Variants in BRD9 observed in about 807,000 individuals in gnomAD.
The protein encoded by BRD9 is bromodomain-containing protein 9.
Under a neutral mutation model 68.7 loss-of-function variants are expected in BRD9, and 47 were observed. The observed-to-expected ratio is 0.68, with a 90% confidence interval of 0.54 to 0.87. BRD9 has a LOEUF of 0.87. BRD9 is among the 40% of genes least tolerant of loss of function. The probability of loss-of-function intolerance (pLI) is 0.00; values close to 1 mark genes in which losing one functional copy is unlikely to be tolerated. For missense variants in BRD9, 670 were observed against 748.4 expected (o/e 0.90, Z 1.22); for synonymous variants, 313 against 293.9 (o/e 1.06, Z -0.67).
chr5:890,053 C>A, intron 3 of BRD9: 1 of 341,960 alleles, frequency 2.9e-6, no homozygotes, highest in Non-Finnish European at 5.8e-6. Flanking sequence ...AATAAATGGC[C>A]GGCGTGGTGG....
rs1753058282 is a variant in BRD9, at chr5:889,648, C to T, written c.401-1G>A. On this transcript the variant is annotated splice_acceptor_variant, in intron 3 of 15. Coordinates refer to ENST00000467963, the MANE Select transcript of BRD9 (RefSeq NM_023924.5). LOFTEE classifies it high-confidence loss of function. ...TGAATAGGTGTGCTCTCATTTTCGG[C>T]TGACAATTTAAGGAAAAAAAAATTG... is the stretch of plus-strand genomic sequence containing the variant. 2.5e-6 allele frequency: 4 copies of T among 1,612,974 alleles called. No individual in the cohort carries two copies.
Position 886,634 on chromosome 5 carries a change from T to G in BRD9, c.791A>C (p.Glu264Ala). Reference sequence around the variant, plus strand: ...CGGCTTTTTGGATTTCTTGGCAGTTTCTACTTGTACTGGTACAACTTCAGG... The same window carrying G: ...CGGCTTTTTGGATTTCTTGGCAGTTGCTACTTGTACTGGTACAACTTCAGG... Reference protein sequence around the residue: ...PVPEVVPVQVETAKKSKKPSR... With the variant: ...PVPEVVPVQVATAKKSKKPSR... The change falls in exon 7 of 16, where the codon GAA (glutamate) becomes GCA (alanine). Residue 264 changes from glutamate (E) to alanine (A), a missense_variant. Transcript: ENST00000467963. 2 of 1,614,168 alleles carry G rather than the reference T, an allele frequency of 1.2e-6. No individual in the cohort carries two copies. The highest frequency in any genetic ancestry group is 1.7e-6 in the Non-Finnish European group (2 of 1,180,014).
At chr5:885,648 G>C (rs968243543) in intron 7 of BRD9, among the ~76,000 whole-genome samples, 1 of 152,208 alleles carries the variant, frequency 6.6e-6, no homozygotes, top group Admixed American at 6.5e-5. Flanking sequence ...CAGGATACTG[G>C]GAAGACCGCG....
At chr5:880,510 CGAGGGAAGCA>C in intron 9 of BRD9, among the ~76,000 whole-genome samples, 1 of 152,052 alleles carries the variant, frequency 6.6e-6, no homozygotes, top group South Asian at 2.1e-4. Flanking sequence ...AGGGTGAGAG[CGAGGGAAGCA>C]GGAATCTAGA....
Position 891,779 on chromosome 5 carries a change from G to A in BRD9, c.128C>T (p.Ser43Leu). Reference sequence around the variant, plus strand: ...GTAACTGGAGTCGTGGCCGGATCCTGAGAGTTCAGTCACTTCACTTCCTCC... The same window carrying A: ...GTAACTGGAGTCGTGGCCGGATCCTAAGAGTTCAGTCACTTCACTTCCTCC... The part of the protein sequence containing the change: ...KVGGSEVTEL[S>L]GSGHDSSYYD... Residue 43 changes from serine (S) to leucine (L), a missense_variant, in exon 2 of 16, where the codon TCA (serine) becomes TTA (leucine). Coordinates refer to ENST00000467963, the MANE Select transcript of BRD9 (RefSeq NM_023924.5). The A allele has an allele frequency of 1.3e-6, 2 of 1,551,648 alleles. No homozygotes were observed. The highest frequency in any genetic ancestry group is 1.7e-6 in the Non-Finnish European group (2 of 1,146,994).
chr5:884,890 TGAA>T (rs1752318959), intron 7 of BRD9, among the ~76,000 whole-genome samples: 2 of 152,186 alleles, frequency 1.3e-5, no homozygotes, highest in Admixed American at 1.3e-4. Context: ...TGACACTAGG[TGAA>T]GGTGACTGCC....
At chr5:876,493 A>G (rs1192627734) in intron 11 of BRD9, among the ~76,000 whole-genome samples, 6 of 152,172 alleles carry the variant, frequency 3.9e-5, no homozygotes. Context: ...ATCATCTGTA[A>G]AAGAATACTC....
chr5:873,897 G>A (rs1454449672), intron 12 of BRD9, among the ~76,000 whole-genome samples: 1 of 152,148 alleles, frequency 6.6e-6, no homozygotes, highest in Non-Finnish European at 1.5e-5. Context: ...AAAAGACAGG[G>A]CTCCCCGAAG....
At chr5:870,451 G>T (rs779241053) in intron 14 of BRD9, 22 bp downstream of exon 14, 2 of 1,579,276 alleles carry the variant, frequency 1.3e-6, no homozygotes, top group Non-Finnish European at 8.7e-7. Context: ...GGTGCTGTGG[G>T]AAAGTGCCTG....
At position 871,508 on chromosome 5, in the gene BRD9, C is replaced by T. The variant is rs1216096093; in HGVS notation, c.1422+18G>A. The stretch of plus-strand genomic sequence containing the variant: ...TGAGAATAATATTTGGCTTGCCCTT[C>T]CATGTTCAAAAACTTACCTTGGCTT... On this transcript the variant is annotated intron_variant, in intron 13 of 15. Transcript: ENST00000467963. The T allele has an allele frequency of 1.2e-5, 20 of 1,613,014 alleles. No homozygotes were observed. Among genetic ancestry groups the T allele is most frequent in the Admixed American group, 1.0e-4 (6 of 60,030 alleles).
At chr5:886,018 G>C (rs1380682752) in intron 7 of BRD9, among the ~76,000 whole-genome samples, 1 of 152,186 alleles carries the variant, frequency 6.6e-6, no homozygotes, top group Non-Finnish European at 1.5e-5. Context: ...AGCCAAGTCG[G>C]CTGCTCCCTG....
In BRD9 at chr5:870,962, G is replaced by A. The variant is rs575458772; in HGVS notation, c.1423-387C>T. The stretch of plus-strand genomic sequence containing the variant: ...GTTCCCTTTCCTTTCCCAGCAAGGC[G>A]TGTCCTCAGGGCTAGACTACAGCCA... On this transcript the variant is annotated intron_variant, in intron 13 of 15. Transcript: ENST00000467963. Among the ~76,000 whole-genome samples the A allele has an allele frequency of 5.3e-5, 8 of 152,268 alleles. No individual in the cohort carries two copies. In the South Asian group the frequency reaches 8.3e-4, roughly 16 times the overall value.
intron 7 of BRD9, 104 bp from the exon 8 acceptor site, chr5:884,174 G>C (rs1173255799): frequency 2.8e-6 from 4 of 1,443,394 alleles, no homozygotes; most frequent in Non-Finnish European, 3.8e-6. Flanking sequence ...CCTGCCCTCA[G>C]ACACAGAGCT....
At chr5:873,235 A>G (rs552901549) in intron 12 of BRD9, among the ~76,000 whole-genome samples, 1 of 152,158 alleles carries the variant, frequency 6.6e-6, no homozygotes. Context: ...TCTTTCAGAA[A>G]CCTGGACCCT....
intron 9 of BRD9, among the ~76,000 whole-genome samples, chr5:880,684 C>T (rs2150596352): frequency 6.6e-6 from 1 of 152,370 alleles, no homozygotes; most frequent in South Asian, 2.1e-4. Context: ...TGTGCACCAT[C>T]CTTCAACACT....
chr5:867,308 C>T (rs1312491261), intron 14 of BRD9, among the ~76,000 whole-genome samples: 2 of 152,210 alleles, frequency 1.3e-5, no homozygotes, highest in Non-Finnish European at 2.9e-5. Flanking sequence ...GGGGCAGGCC[C>T]TTCATGGAGA....
Position 881,180 on chromosome 5 carries a change from C to T in BRD9, c.969G>A (p.Met323Ile), listed in dbSNP as rs374125062. The change falls in exon 9 of 16, where the codon ATG becomes ATA. Residue 323 changes from methionine (M) to isoleucine (I), a missense_variant and splice_region_variant. By Grantham distance (10) the Met-to-Ile change is conservative (BLOSUM62 1). This residue lies in a region of BRD9 where 135 missense variants were observed against 141.2 expected (regional missense o/e 0.96). Transcript: ENST00000467963. ...RINRFLPGGK[M>I]GYLKRNGDGS... ...CGTCCCCGTTCCTCTTCAGATAGCCCATCTGGAAGGAAGCACTGCCTGAGC... is the reference window on the plus strand; with the variant it reads ...CGTCCCCGTTCCTCTTCAGATAGCCTATCTGGAAGGAAGCACTGCCTGAGC... 186 of 1,613,816 alleles carry T rather than the reference C, an allele frequency of 1.2e-4. No individual in the cohort carries two copies. Among genetic ancestry groups the T allele is most frequent in the Non-Finnish European group, 1.3e-4 (159 of 1,179,976 alleles).
At chr5:883,622 C>A in intron 8 of BRD9, 1 of 447,460 alleles carries the variant, frequency 2.2e-6, no homozygotes, top group Non-Finnish European at 4.2e-6. Context: ...CACCCAGTGA[C>A]AGAGACACAG....
intron 6 of BRD9, 63 bp downstream of exon 6, chr5:887,298 C>A (rs919661012): frequency 1.9e-5 from 27 of 1,400,174 alleles, no homozygotes; most frequent in Non-Finnish European, 2.4e-5. Context: ...TCCCTTCGGG[C>A]ACAAGCGACG....
Sources: gnomAD v4.1 joint callset for allele counts (sites outside exome capture counted in the v4.1 genomes callset) on GRCh38, gnomAD v4.1.1 for gene constraint, gnomAD v4.1.1 regional missense constraint, MANE v1.5 for transcripts, NCBI Gene and HGNC (gene_info 2026-07-23, HGNC 2026-07-21) for gene names.